PBRM1: variants seen among roughly 807,000 people sequenced by gnomAD.
PBRM1 encodes the protein protein polybromo-1.
PBRM1 carries 27 observed loss-of-function variants against 194.5 expected under a neutral mutation model. The observed-to-expected ratio is 0.14, with a 90% CI of 0.10 to 0.19. The LOEUF is 0.19. Among genes scored for constraint, PBRM1 ranks in the 10% least tolerant of loss-of-function variants. The probability of loss-of-function intolerance (pLI) is 1.00; values close to 1 mark genes in which losing one functional copy is unlikely to be tolerated. For synonymous variants in PBRM1, 655 were observed against 693.2 expected, an observed-to-expected ratio of 0.94 and a Z score of 0.87; for missense variants, 1,466 against 2,077.2, an observed-to-expected ratio of 0.71 and a Z score of 5.72.
chr3:52,641,845 A>G (rs977416566), intron 10 of PBRM1, 109 bp downstream of exon 11: 1 of 773,820 alleles, frequency 1.3e-6, no homozygotes, highest in African/African-American at 1.7e-5. Context: ...ATAAAATAGC[A>G]TGTACTTCCC....
At chr3:52,657,332 AAAT>A (rs1267632793) in intron 5 of PBRM1, among the ~76,000 whole-genome samples, 2 of 152,232 alleles carry the variant, frequency 1.3e-5, no homozygotes, top group African/African-American at 2.4e-5. Flanking sequence ...AAACAAATAA[AAAT>A]AATTACCAAT....
At chr3:52,565,832 T>C (rs146154116) in intron 22 of PBRM1, among the ~76,000 whole-genome samples, 24 of 152,022 alleles carry the variant, frequency 1.6e-4, no homozygotes, top group Non-Finnish European at 2.8e-4. Flanking sequence ...GGGTGGATCA[T>C]GAGGTCAGGA....
intron 29 of PBRM1, among the ~76,000 whole-genome samples, chr3:52,548,686 A>G (rs1309294197): frequency 1.3e-5 from 2 of 152,182 alleles, no homozygotes; most frequent in Non-Finnish European, 2.9e-5. Context: ...TTGGCCTCCC[A>G]AAGTGCTGGG....
At chr3:52,682,378 A>C (rs193112076), upstream of PBRM1, 1 of 151,914 alleles carries the variant, frequency 6.6e-6, no homozygotes, top group African/African-American at 2.4e-5. Context: ...CAAGGTTAAA[A>C]AAAAAAAAAA....
chr3:52,587,330 T>C (rs1477972046), intron 19 of PBRM1, 23 bp downstream of exon 21: 1 of 1,544,082 alleles, frequency 6.5e-7, no homozygotes, highest in Non-Finnish European at 8.9e-7. Context: ...GAGTGAGACT[T>C]TGGGATTTAA....
At chr3:52,666,863 G>A (rs1296022299) in intron 3 of PBRM1, among the ~76,000 whole-genome samples, 1 of 147,442 alleles carries the variant, frequency 6.8e-6, no homozygotes, top group Non-Finnish European at 1.5e-5. Flanking sequence ...CTGCACTCCA[G>A]CCTGGGCAAC....
chr3:52,600,702 G>A (rs137999722), intron 17 of PBRM1, among the ~76,000 whole-genome samples: 2 of 152,114 alleles, frequency 1.3e-5, no homozygotes, highest in African/African-American at 2.4e-5. Flanking sequence ...GCAATGGCGC[G>A]ATCTTAGCTC....
At position 52,617,244 on chromosome 3, in the gene PBRM1, A is replaced by C; in HGVS notation, c.1818+18T>G. On this transcript the variant is annotated intron_variant, in intron 14 of 29. Coordinates refer to ENST00000296302, the Ensembl canonical transcript of PBRM1. ...TCCCGCAAAATGTGCCTACTTCAGGACCGCTGGCCCTCCTTACCTGGGAGC... is the reference window on the plus strand; with the variant it reads ...TCCCGCAAAATGTGCCTACTTCAGGCCCGCTGGCCCTCCTTACCTGGGAGC... 6.2e-7 allele frequency: 1 copy of C among 1,607,522 alleles called. No individual in the cohort carries two copies. Among genetic ancestry groups the C allele is most frequent in the Non-Finnish European group, 8.5e-7 (1 of 1,177,010 alleles).
chr3:52,680,679 G>A (rs974680871), upstream of PBRM1, among the ~76,000 whole-genome samples: 1 of 151,354 alleles, frequency 6.6e-6, no homozygotes, highest in East Asian at 1.9e-4. Flanking sequence ...TTCTTTTTTA[G>A]GTGGAGTCTC....
intron 15 of PBRM1, among the ~76,000 whole-genome samples, chr3:52,614,407 G>C (rs1232513092): frequency 4.5e-5 from 5 of 112,288 alleles, no homozygotes; most frequent in African/African-American, 6.1e-5. Flanking sequence ...AAGCAAAAAA[G>C]CTAGTCTGTC....
chr3:52,588,431 T>C (rs1350682707), intron 18 of PBRM1, among the ~76,000 whole-genome samples: 1 of 152,196 alleles, frequency 6.6e-6, no homozygotes, highest in East Asian at 1.9e-4. Context: ...AGGGAAAATA[T>C]GAGCTTTTTG....
At chr3:52,672,651 C>T (rs916976263) in intron 2 of PBRM1, among the ~76,000 whole-genome samples, 5 of 151,920 alleles carry the variant, frequency 3.3e-5, no homozygotes, top group African/African-American at 1.2e-4. Context: ...CACACCACCA[C>T]GCCCGGCTAA....
chr3:52,610,142 A>T (rs920186160), intron 15 of PBRM1, among the ~76,000 whole-genome samples, 187 bp from the exon 18 acceptor site: 2 of 152,218 alleles, frequency 1.3e-5, no homozygotes, highest in African/African-American at 4.8e-5. Flanking sequence ...TTCAGTAATT[A>T]TATTTTTGAT....
At chr3:52,641,763 AAT>A (rs1460029703) in intron 10 of PBRM1, among the ~76,000 whole-genome samples, 189 bp downstream of exon 11, 1 of 152,214 alleles carries the variant, frequency 6.6e-6, no homozygotes, top group Admixed American at 6.5e-5. Flanking sequence ...TATTTACCCA[AAT>A]ATGAGTTTTA....
intron 16 of PBRM1, among the ~76,000 whole-genome samples, chr3:52,606,708 T>C (rs2153389871): frequency 6.6e-6 from 1 of 152,288 alleles, no homozygotes; most frequent in Admixed American, 6.5e-5. Flanking sequence ...AAGGCAGACA[T>C]TCAGCAAAAG....
At chr3:52,604,192 G>A (rs1482683049) in intron 16 of PBRM1, among the ~76,000 whole-genome samples, 1 of 152,138 alleles carries the variant, frequency 6.6e-6, no homozygotes, top group African/African-American at 2.4e-5. Context: ...CTACATCATG[G>A]TTGCCTAGGC....
At chr3:52,561,831 C>T (rs1341965753) in exon 25 of PBRM1, 2 of 1,614,080 alleles carry the variant, frequency 1.2e-6, no homozygotes, top group Admixed American at 1.7e-5. Flanking sequence ...GGCGGCTGAG[C>T]TCCCCGAAAG....
intron 15 of PBRM1, among the ~76,000 whole-genome samples, chr3:52,610,570 C>T (rs944224632): frequency 6.6e-6 from 1 of 152,198 alleles, no homozygotes; most frequent in Non-Finnish European, 1.5e-5. Context: ...GGCTGATTCC[C>T]AGTCTGGTAT....
chr3:52,584,450 CTTTTTTT>C (rs397989611), intron 20 of PBRM1, among the ~76,000 whole-genome samples: 31 of 60,750 alleles, frequency 5.1e-4, no homozygotes, highest in East Asian at 2.8e-3. Flanking sequence ...AGTATTCTTG[CTTTTTTT>C]TTTTTTTTTT....
Sources: allele counts gnomAD v4.1 joint callset (sites outside exome capture counted in the v4.1 genomes callset), GRCh38; gene constraint gnomAD v4.1.1; transcripts MANE v1.5; gene names NCBI Gene and HGNC (gene_info 2026-07-23, HGNC 2026-07-21).